Variants in LRRFIP1 observed in about 807,000 individuals in gnomAD.
The protein encoded by LRRFIP1 is leucine-rich repeat flightless-interacting protein 1.
LRRFIP1 carries 62 observed loss-of-function variants against 104.4 expected under a neutral mutation model. The ratio of observed to expected loss-of-function variants is 0.59; its 90% CI spans 0.48 to 0.73. LRRFIP1 has a LOEUF of 0.73. LRRFIP1 is among the 30% of genes least tolerant of loss of function. The probability of loss-of-function intolerance (pLI) is 0.00; values close to 1 mark genes in which losing one functional copy is unlikely to be tolerated. For missense variants in LRRFIP1, 796 were observed against 824.5 expected (o/e 0.97, Z 0.42); for synonymous variants, 300 against 299.0 (o/e 1.00, Z -0.03).
At chr2:237,699,093 A>G (rs1022724570) in intron 1 of LRRFIP1, among the ~76,000 whole-genome samples, 1 of 151,714 alleles carries the variant, frequency 6.6e-6, no homozygotes, top group Non-Finnish European at 1.5e-5. Flanking sequence ...GGAGGCTGAC[A>G]CAGGTGTGTT....
intron 7 of LRRFIP1, among the ~76,000 whole-genome samples, chr2:237,726,490 G>A (rs114196739): frequency 5.9e-5 from 9 of 152,238 alleles, no homozygotes; most frequent in Admixed American, 2.0e-4. Flanking sequence ...CCAGTCAGCT[G>A]GTGATTCATG....
chr2:237,628,552 C>T (rs73999187), intron 1 of LRRFIP1, among the ~76,000 whole-genome samples: 1,759 of 152,254 alleles, frequency 0.012, 26 homozygotes, highest in African/African-American at 0.04. Flanking sequence ...CAATAGGTTG[C>T]GGCCCCAGGG....
chr2:237,627,788 G>A (rs2081769261), intron 1 of LRRFIP1, 48 bp downstream of exon 1: 7 of 1,118,252 alleles, frequency 6.3e-6, no homozygotes, highest in East Asian at 7.6e-5. Context: ...GGGCGCGGGG[G>A]CCGGACGGCT....
chr2:237,756,007 C>G, intron 15 of LRRFIP1, 88 bp from the exon 16 acceptor site: 2 of 764,438 alleles, frequency 2.6e-6, no homozygotes, highest in Non-Finnish European at 4.4e-6. Flanking sequence ...GTGATTTGTT[C>G]CACAGAAACT....
At chr2:237,694,659 G>T (rs940388179) in intron 1 of LRRFIP1, among the ~76,000 whole-genome samples, 22 of 152,206 alleles carry the variant, frequency 1.4e-4, no homozygotes, top group African/African-American at 4.8e-4. Flanking sequence ...GAGGAGAGCC[G>T]GGTTGGTCAG....
intron 1 of LRRFIP1, among the ~76,000 whole-genome samples, chr2:237,701,360 G>A (rs1056281562): frequency 1.3e-5 from 2 of 152,236 alleles, no homozygotes; most frequent in Non-Finnish European, 2.9e-5. Flanking sequence ...CCCACCCTTA[G>A]GCAGTACTCC....
intron 1 of LRRFIP1, among the ~76,000 whole-genome samples, chr2:237,635,325 A>G (rs974881323): frequency 3.9e-5 from 6 of 152,210 alleles, no homozygotes; most frequent in African/African-American, 1.4e-4. Flanking sequence ...AATATACAGA[A>G]AATAAAGATA....
rs367794627 is a variant in LRRFIP1 at position 237,707,971 on chromosome 2, T to A, written c.97-573T>A. Among the ~76,000 whole-genome samples the A allele has an allele frequency of 1.6e-3, 247 of 152,364 alleles. 1 individual carries two copies. Among genetic ancestry groups the A allele is most frequent in the African/African-American group, 5.7e-3 (239 of 41,582 alleles). On this transcript the variant is annotated intron_variant, in intron 1 of 23. Transcript: ENST00000308482. ...GGGTGCGTGTGTGCTGAGAAGTGAC[T>A]GGACAGCAGTTCGCTGGGATTACAG...
chr2:237,749,066 C>T (rs1559775203), intron 12 of LRRFIP1, 133 bp from the exon 13 acceptor site: 1 of 862,456 alleles, frequency 1.2e-6, no homozygotes, highest in South Asian at 1.8e-5. Context: ...GGAAACTGCC[C>T]CCGTGATCCA....
intron 20 of LRRFIP1, 197 bp from the exon 21 acceptor site, chr2:237,771,884 C>CT (rs1387734619): frequency 5.4e-6 from 3 of 558,468 alleles, no homozygotes; most frequent in Non-Finnish European, 6.4e-6. Flanking sequence ...TTAGAAATGA[C>CT]TTTTCTCTCA....
chr2:237,777,884 C>T (rs543342794), intron 23 of LRRFIP1, among the ~76,000 whole-genome samples: 8 of 152,126 alleles, frequency 5.3e-5, no homozygotes, highest in Non-Finnish European at 8.8e-5. Flanking sequence ...TTTCTATCTC[C>T]TTACCTCTCT....
intron 11 of LRRFIP1, among the ~76,000 whole-genome samples, chr2:237,740,935 A>G (rs1240375311): frequency 6.6e-6 from 1 of 152,174 alleles, no homozygotes; most frequent in Non-Finnish European, 1.5e-5. Context: ...ATAGAGTTCA[A>G]TATGGGTGGG....
chr2:237,669,878 T>A (rs2090064924), intron 1 of LRRFIP1, among the ~76,000 whole-genome samples: 1 of 152,206 alleles, frequency 6.6e-6, no homozygotes, highest in South Asian at 2.1e-4. Flanking sequence ...ATGTGGGATG[T>A]GTGCACGTGG....
intron 10 of LRRFIP1, among the ~76,000 whole-genome samples, chr2:237,736,820 A>G (rs1481151239): frequency 1.3e-5 from 2 of 152,330 alleles, no homozygotes; most frequent in Non-Finnish European, 2.9e-5. Context: ...GACGGAAGGG[A>G]CAAAGAAGTT....
chr2:237,707,887 C>T (rs1210306018), intron 1 of LRRFIP1, among the ~76,000 whole-genome samples: 2 of 152,286 alleles, frequency 1.3e-5, no homozygotes, highest in South Asian at 2.1e-4. Flanking sequence ...CTGCTATGAT[C>T]TTCATTGTGT....
rs370580777 is a variant in LRRFIP1 at position 237,728,624 on chromosome 2, A to G, written c.444+689A>G. ...GGATACATTTCCATTAAGCTTCACG[A>G]TATCCCACAGGTCCATTCTGTGTGA... On this transcript the variant is annotated intron_variant, in intron 8 of 23. Transcript: ENST00000308482. Among the ~76,000 whole-genome samples the G allele has an allele frequency of 1.5e-4, 23 of 152,272 alleles. No homozygotes were observed. In the East Asian group the frequency reaches 3.7e-3, roughly 24 times the overall value.
At chr2:237,659,594 A>G (rs1001045638) in intron 1 of LRRFIP1, among the ~76,000 whole-genome samples, 10 of 148,200 alleles carry the variant, frequency 6.7e-5, no homozygotes, top group Non-Finnish European at 1.0e-4. Context: ...TATATTATAT[A>G]TGTTTATAAT....
intron 19 of LRRFIP1, chr2:237,768,134 G>C (rs972833995): frequency 6.6e-6 from 1 of 152,128 alleles, no homozygotes; most frequent in African/African-American, 2.4e-5. Flanking sequence ...TTAACGCTAC[G>C]AAAACTAGTA....
intron 5 of LRRFIP1, among the ~76,000 whole-genome samples, chr2:237,720,099 G>A (rs774994701): frequency 1.3e-4 from 20 of 151,672 alleles, no homozygotes; most frequent in African/African-American, 1.7e-4. Flanking sequence ...GGCGCCTGCC[G>A]CCACACCTGA....
Sources: gnomAD v4.1 joint callset for allele counts (sites outside exome capture counted in the v4.1 genomes callset) on GRCh38, gnomAD v4.1.1 for gene constraint, MANE v1.5 for transcripts, NCBI Gene and HGNC (gene_info 2026-07-23, HGNC 2026-07-21) for gene names.